CNPY1: variants seen among roughly 807,000 people sequenced by gnomAD.
CNPY1 encodes canopy FGF signaling regulator 1.
Under a neutral mutation model 14.4 loss-of-function variants are expected in CNPY1, and 14 were observed. The ratio of observed to expected loss-of-function variants is 0.97; its 90% CI spans 0.64 to 1.52. The LOEUF is 1.52. Ranked by LOEUF, CNPY1 falls within the 40% of genes most tolerant of loss-of-function variation. CNPY1 has a pLI of 0.00. For synonymous variants in CNPY1, 43 were observed against 46.5 expected (o/e 0.92, Z 0.31); for missense variants, 129 against 131.5 (o/e 0.98, Z 0.09).
At chr7:155,524,270 T>G (rs2361694) in intron 2 of CNPY1, among the ~76,000 whole-genome samples, 151,640 of 152,346 alleles carry the variant, frequency 1, 75,470 homozygotes, top group Middle Eastern at 1. Flanking sequence ...CCTGCCAAAG[T>G]GTAGATTCAT....
rs1446060521 is a variant in CNPY1, at chr7:155,502,241, T to C, written c.*827A>G. ...GGTCCCAACTCTTTTTCCATTCCTG[T>C]AGAAGAATGGTAGATTATTTAGTAG... On this transcript the variant is annotated 3_prime_UTR_variant, in exon 5 of 5. Coordinates refer to ENST00000636446, the MANE Select transcript of CNPY1 (RefSeq NM_001393663.1). 6.6e-6 allele frequency: 1 copy of C among 152,014 alleles called. No homozygotes were observed. The highest frequency in any genetic ancestry group is 1.5e-5 in the Non-Finnish European group (1 of 67,998). 9.4% of individuals were successfully genotyped at this position (152,014 alleles called of 1,614,324 possible).
rs746637804 is a variant in CNPY1 at position 155,536,798 on chromosome 7, C to T, written c.99+9033G>A. ...GAGCAAGAAGTCAACTCTCAACGCT[C>T]GTGGTGATCCACACTGACACCAGGC... is the stretch of plus-strand genomic sequence containing the variant. On this transcript the variant is annotated intron_variant, in intron 2 of 4. Coordinates refer to ENST00000636446, the MANE Select transcript of CNPY1 (RefSeq NM_001393663.1). This position sits in a 1 kb window ranked among gnomAD's most constrained non-coding sequence, Gnocchi z 4.1. Among the ~76,000 whole-genome samples the T allele has an allele frequency of 9.8e-5, 15 of 152,320 alleles. No homozygotes were observed. The highest frequency in any genetic ancestry group is 1.9e-4 in the East Asian group (1 of 5,178).
chr7:155,533,421 A>G (rs1483519542), intron 2 of CNPY1, among the ~76,000 whole-genome samples: 1 of 152,166 alleles, frequency 6.6e-6, no homozygotes, highest in East Asian at 1.9e-4. Context: ...TGTTTACTCT[A>G]AGCATATGCC....
At chr7:155,509,499 C>CA (rs1796454100) in intron 2 of CNPY1, among the ~76,000 whole-genome samples, 1 of 151,482 alleles carries the variant, frequency 6.6e-6, no homozygotes, top group Non-Finnish European at 1.5e-5. Flanking sequence ...GGGAGAGAGA[C>CA]AGAGAGAGGG....
intron 2 of CNPY1, among the ~76,000 whole-genome samples, chr7:155,542,749 T>C (rs1235010249): frequency 1.3e-5 from 2 of 152,196 alleles, no homozygotes; most frequent in African/African-American, 2.4e-5. Context: ...ACTGAGCCAG[T>C]GCGGGCAGAG....
chr7:155,519,637 A>C (rs1314226648), intron 2 of CNPY1, among the ~76,000 whole-genome samples: 2 of 120,208 alleles, frequency 1.7e-5, no homozygotes, highest in African/African-American at 1.0e-4. Context: ...TATTGGTGGC[A>C]AAAAAAAAGA....
chr7:155,519,565 G>A (rs60705789), intron 2 of CNPY1, among the ~76,000 whole-genome samples: 4,280 of 125,990 alleles, frequency 0.034, 103 homozygotes, highest in African/African-American at 0.12. Flanking sequence ...AAATAAATAA[G>A]AAAGAAAGAA....
chr7:155,511,253 C>A lies in CNPY1; in HGVS notation c.100-2156G>T, dbSNP rs540898972. ...GCTTTCAGAAACTTAGGCCTTCCTT[C>A]CATTAGAACACCAAATTCCATCCTA... On this transcript the variant is annotated intron_variant, in intron 2 of 4. Coordinates refer to ENST00000636446, the MANE Select transcript of CNPY1 (RefSeq NM_001393663.1). Among the ~76,000 whole-genome samples, 4 of 152,300 alleles carry A rather than the reference C, an allele frequency of 2.6e-5. No individual in the cohort carries two copies. The East Asian group carries it at 7.7e-4, about 29-fold the overall frequency.
At chr7:155,543,251 G>A (rs1797122162) in intron 2 of CNPY1, among the ~76,000 whole-genome samples, 1 of 152,186 alleles carries the variant, frequency 6.6e-6, no homozygotes, top group Admixed American at 6.5e-5. Flanking sequence ...CAGGACAATG[G>A]GGGCCCGAGA....
rs1033731053 is a variant in CNPY1, at chr7:155,509,093, G to A, written c.104C>T (p.Pro35Leu). ...PDGTQERRKI[P>L]LAQSEAFLTD... ...TAGGAACGCCTCCGACTGAGCTAGG[G>A]GGATCTAAGAAGAAAGACAGGGCGA... The change falls in exon 3 of 5, where the codon CCC becomes CTC. Residue 35 changes from proline to leucine, a missense_variant. Physicochemically the swap from Pro to Leu is moderately conservative, Grantham distance 98. Transcript: ENST00000636446. 17 of 1,555,782 alleles carry A rather than the reference G, an allele frequency of 1.1e-5. No individual in the cohort carries two copies. Among genetic ancestry groups the A allele is most frequent in the Non-Finnish European group, 1.5e-5 (17 of 1,151,372 alleles).
chr7:155,515,519 G>T (rs1029478244), intron 2 of CNPY1, among the ~76,000 whole-genome samples: 34 of 152,288 alleles, frequency 2.2e-4, no homozygotes, highest in Admixed American at 3.9e-4. Flanking sequence ...ACCGCAGGGT[G>T]TCTGTGCATC....
Position 155,502,653 on chromosome 7 carries a change from A to G in CNPY1, c.*415T>C, listed in dbSNP as rs1796154282. ...ATTTCCTTAAATTTATAGGCAATCA[A>G]GTATTTGAGGATTCAAATCCAGTTC... is the stretch of plus-strand genomic sequence containing the variant. On this transcript the variant is annotated 3_prime_UTR_variant, in exon 5 of 5. Coordinates refer to ENST00000636446, the MANE Select transcript of CNPY1 (RefSeq NM_001393663.1). 1 of 160,836 alleles carries G rather than the reference A, an allele frequency of 6.2e-6. No individual in the cohort carries two copies. The highest frequency in any genetic ancestry group is 2.0e-4 in the South Asian group (1 of 4,972). The allele number at this position is 160,836 out of a possible 1,614,324, so 10.0% of individuals were successfully genotyped here.
At chr7:155,538,349 A>G (rs1462692512) in intron 2 of CNPY1, among the ~76,000 whole-genome samples, 1 of 152,116 alleles carries the variant, frequency 6.6e-6, no homozygotes, top group African/African-American at 2.4e-5. Flanking sequence ...AGTACTAGGG[A>G]CTGTTGCCAC....
intron 2 of CNPY1, among the ~76,000 whole-genome samples, chr7:155,532,318 C>G (rs749280919): frequency 2.0e-4 from 31 of 152,142 alleles, no homozygotes; most frequent in Non-Finnish European, 4.3e-4. Flanking sequence ...TTCTCCAGCT[C>G]TTTAGAAGGA....
chr7:155,521,333 G>T (rs933897702), intron 2 of CNPY1, among the ~76,000 whole-genome samples: 2 of 152,216 alleles, frequency 1.3e-5, no homozygotes, highest in African/African-American at 2.4e-5. Flanking sequence ...GAAGGACCAG[G>T]TTTCTTTACA....
At chr7:155,535,432 A>G (rs1797012078) in intron 2 of CNPY1, among the ~76,000 whole-genome samples, 1 of 152,230 alleles carries the variant, frequency 6.6e-6, no homozygotes, top group South Asian at 2.1e-4. Flanking sequence ...AAGAGCTTAC[A>G]GGTGCACACA....
At chr7:155,531,705 A>G (rs1796940355) in intron 2 of CNPY1, among the ~76,000 whole-genome samples, 3 of 152,194 alleles carry the variant, frequency 2.0e-5, no homozygotes, top group Non-Finnish European at 4.4e-5. Flanking sequence ...CTTTCTCTGC[A>G]TTCAGCTTCA....
intron 2 of CNPY1, among the ~76,000 whole-genome samples, chr7:155,531,658 C>A (rs1315455870): frequency 6.6e-6 from 1 of 152,166 alleles, no homozygotes; most frequent in African/African-American, 2.4e-5. Context: ...ATTTGTACTT[C>A]TGTTTCCTAA....
intron 2 of CNPY1, among the ~76,000 whole-genome samples, chr7:155,525,811 TA>T (rs1178778705): frequency 6.6e-6 from 1 of 152,262 alleles, no homozygotes; most frequent in South Asian, 2.1e-4. Context: ...ACAACGTCAT[TA>T]AATTAAATAC....
Sources: gnomAD v4.1 joint callset for allele counts (sites outside exome capture counted in the v4.1 genomes callset) on GRCh38, gnomAD v4.1.1 for gene constraint, Gnocchi (gnomAD v3.1) non-coding constraint, MANE v1.5 for transcripts, NCBI Gene and HGNC (gene_info 2026-07-23, HGNC 2026-07-21) for gene names.